The following CREM variants were observed in gnomAD, a reference collection of about 807,000 sequenced individuals.
CREM encodes the protein cAMP responsive element modulator.
A neutral mutation model predicts 37.3 loss-of-function variants in CREM; 13 were observed. That is an observed-to-expected ratio of 0.35 (90% CI 0.23 to 0.55). The LOEUF (loss-of-function observed/expected upper bound fraction) is 0.55. Ranked by LOEUF, CREM falls within the 20% of genes least tolerant of loss-of-function variation. The pLI is 0.88. For missense variants in CREM, 296 were observed against 362.3 expected, an observed-to-expected ratio of 0.82 and a Z score of 1.49; for synonymous variants, 124 against 120.2, an observed-to-expected ratio of 1.03 and a Z score of -0.21.
chr10:35,200,716 C>G (rs1042037411), intron 6 of CREM, among the ~76,000 whole-genome samples: 14 of 152,128 alleles, frequency 9.2e-5, no homozygotes, highest in African/African-American at 3.1e-4. Context: ...AGAAGCCCCC[C>G]ACTTAGAAGT....
intron 6 of CREM, among the ~76,000 whole-genome samples, chr10:35,202,107 A>G (rs1692653370): frequency 6.6e-6 from 1 of 152,194 alleles, no homozygotes; most frequent in South Asian, 2.1e-4. Flanking sequence ...TTCTTCAATC[A>G]TGATTGTTAA....
At chr10:35,160,305 C>G (rs2093209149) in intron 3 of CREM, among the ~76,000 whole-genome samples, 1 of 152,122 alleles carries the variant, frequency 6.6e-6, no homozygotes, top group African/African-American at 2.4e-5. Context: ...GGCACAAAAC[C>G]ATAGTGGAGC....
At chr10:35,189,201 TTGAC>T (rs1358290838) in intron 6 of CREM, among the ~76,000 whole-genome samples, 6 of 152,144 alleles carry the variant, frequency 3.9e-5, no homozygotes, top group Non-Finnish European at 7.4e-5. Context: ...GTTTGTTTTT[TTGAC>T]TGACTGTTCT....
At chr10:35,156,771 C>T (rs138376570) in intron 3 of CREM, among the ~76,000 whole-genome samples, 1 of 152,104 alleles carries the variant, frequency 6.6e-6, no homozygotes, top group East Asian at 1.9e-4. Context: ...GGGAGAAAAG[C>T]CTGGTTATGG....
At chr10:35,210,063 CT>C (rs2095630545) in intron 7 of CREM, among the ~76,000 whole-genome samples, 1 of 145,504 alleles carries the variant, frequency 6.9e-6, no homozygotes, top group African/African-American at 2.6e-5. Context: ...AGTCAGCTAT[CT>C]TAAAAAAAAA....
intron 6 of CREM, among the ~76,000 whole-genome samples, chr10:35,195,605 C>T (rs541791320): frequency 7.9e-5 from 12 of 152,206 alleles, no homozygotes; most frequent in African/African-American, 2.2e-4. Context: ...TCAATCTAGC[C>T]GCAGATTAAA....
At chr10:35,176,829 A>G (rs1353900643) in intron 3 of CREM, among the ~76,000 whole-genome samples, 1 of 152,196 alleles carries the variant, frequency 6.6e-6, no homozygotes, top group Non-Finnish European at 1.5e-5. Flanking sequence ...GTAAGATGAT[A>G]TTATTAATGT....
intron 5 of CREM, among the ~76,000 whole-genome samples, chr10:35,183,314 G>A (rs2094430587): frequency 6.6e-6 from 1 of 152,114 alleles, no homozygotes; most frequent in South Asian, 2.1e-4. Context: ...ATTCTCAGGA[G>A]GCTCACGAAT....
intron 5 of CREM, among the ~76,000 whole-genome samples, chr10:35,185,941 T>C (rs546369279): frequency 1.3e-5 from 2 of 152,360 alleles, no homozygotes; most frequent in African/African-American, 4.8e-5. Flanking sequence ...GTTGTTACTC[T>C]TTCCATAATT....
intron 2 of CREM, among the ~76,000 whole-genome samples, chr10:35,141,267 A>G (rs2091388719): frequency 1.3e-5 from 2 of 152,188 alleles, no homozygotes; most frequent in Admixed American, 1.3e-4. Flanking sequence ...TGAGAATTAG[A>G]AGTTTGGATT....
At chr10:35,200,767 A>G (rs891779458) in intron 6 of CREM, among the ~76,000 whole-genome samples, 1 of 152,184 alleles carries the variant, frequency 6.6e-6, no homozygotes, top group Non-Finnish European at 1.5e-5. Flanking sequence ...TTAAAGGTGT[A>G]TTTAGGATTA....
At chr10:35,128,780 C>T (rs540782159) in intron 1 of CREM, among the ~76,000 whole-genome samples, 27 of 152,252 alleles carry the variant, frequency 1.8e-4, no homozygotes, top group African/African-American at 5.8e-4. Flanking sequence ...CCGCGTCGGC[C>T]TCCCAAAGTG....
intron 5 of CREM, among the ~76,000 whole-genome samples, chr10:35,183,081 C>T (rs1041437088): frequency 2.7e-4 from 41 of 152,166 alleles, no homozygotes; most frequent in African/African-American, 9.2e-4. Flanking sequence ...CTATACCCAA[C>T]CTCTTCCTGT....
intron 3 of CREM, among the ~76,000 whole-genome samples, chr10:35,163,221 AAAC>A (rs1427357407): frequency 1.3e-5 from 2 of 152,112 alleles, no homozygotes; most frequent in Non-Finnish European, 2.9e-5. Context: ...ACGCAACAAA[AAAC>A]AAAAATAAAA....
intron 5 of CREM, among the ~76,000 whole-genome samples, chr10:35,184,977 A>G (rs1368720323): frequency 6.6e-6 from 1 of 152,096 alleles, no homozygotes; most frequent in African/African-American, 2.4e-5. Flanking sequence ...TAACTCTCCT[A>G]GATTCACAGG....
intron 2 of CREM, among the ~76,000 whole-genome samples, chr10:35,139,266 C>T (rs941502307): frequency 1.3e-5 from 2 of 151,798 alleles, no homozygotes; most frequent in Non-Finnish European, 2.9e-5. Context: ...ATTATAGGTG[C>T]GTGCCGCCAC....
intron 3 of CREM, among the ~76,000 whole-genome samples, chr10:35,149,587 G>A (rs1408022336): frequency 2.6e-5 from 4 of 152,126 alleles, no homozygotes; most frequent in Non-Finnish European, 5.9e-5. Context: ...TCAAAGTAGC[G>A]TGAGATACAG....
intron 6 of CREM, among the ~76,000 whole-genome samples, chr10:35,191,489 A>G (rs1360315214): frequency 1.3e-5 from 2 of 151,906 alleles, no homozygotes; most frequent in Non-Finnish European, 2.9e-5. Context: ...TAAACACAGC[A>G]AGGCCAGTGG....
rs974910720 is a variant in CREM, at chr10:35,137,783, A to T, written c.-53A>T. On this transcript the variant is annotated splice_region_variant and 5_prime_UTR_variant, in exon 2 of 8. Transcript: ENST00000685392. ...TTCAACATTATAATTTTACTGCAGG[A>T]TAAATAAAGAAAACAGGAAAGGAGG... 28 of 1,407,996 alleles carry T rather than the reference A, an allele frequency of 2.0e-5. No individual in the cohort carries two copies. The highest frequency in any genetic ancestry group is 2.4e-5 in the Non-Finnish European group (25 of 1,032,938). The allele number at this position is 1,407,996 out of a possible 1,614,324, so 87.2% of individuals were successfully genotyped here. A position where few individuals can be genotyped will look rare whatever the true frequency, so the allele number is the denominator to read the frequency against.
Sources: allele counts gnomAD v4.1 joint callset (sites outside exome capture counted in the v4.1 genomes callset), GRCh38; gene constraint gnomAD v4.1.1; transcripts MANE v1.5; gene names NCBI Gene and HGNC (gene_info 2026-07-23, HGNC 2026-07-21).